Variants in DCTN4 observed in about 807,000 individuals in gnomAD.
DCTN4 encodes dynactin 4 (p62).
A neutral mutation model predicts 62.7 loss-of-function variants in DCTN4; 23 were observed. The ratio of observed to expected loss-of-function variants is 0.37; its 90% confidence interval spans 0.26 to 0.52. The LOEUF is 0.52. Among genes scored for constraint, DCTN4 ranks in the 20% least tolerant of loss-of-function variants. The pLI is 0.92. For synonymous variants in DCTN4, 199 were observed against 202.1 expected, an observed-to-expected ratio of 0.98 and a Z score of 0.13; for missense variants, 514 against 580.4, an observed-to-expected ratio of 0.89 and a Z score of 1.18.
intron 2 of DCTN4, chr5:150,755,618 A>G (rs1752833053): frequency 8.8e-6 from 4 of 455,948 alleles, no homozygotes; most frequent in South Asian, 6.2e-5. Flanking sequence ...CATTCTATAA[A>G]ATACCTCACC....
At chr5:150,744,457 T>A (rs11959285) in intron 3 of DCTN4, among the ~76,000 whole-genome samples, 6,214 of 151,886 alleles carry the variant, frequency 0.041, 446 homozygotes, top group African/African-American at 0.14. Context: ...AAGATACTCC[T>A]CAAGAAGAGC....
chr5:150,731,467 C>A lies in DCTN4; in HGVS notation c.560G>T (p.Arg187Met). 6.2e-7 allele frequency: 1 copy of A among 1,613,768 alleles called. No homozygotes were observed. Among genetic ancestry groups the A allele is most frequent in the Non-Finnish European group, 8.5e-7 (1 of 1,179,984 alleles). The part of the protein sequence containing the change: ...AFSDKYGLGT[R>M]LQRPRAGASI... Reference sequence around the variant, plus strand: ...TGCACCAGCTCGTGGTCGCTGAAGCCTGGTTCCAAGACCATATTTGTCCTA... The same window carrying A: ...TGCACCAGCTCGTGGTCGCTGAAGCATGGTTCCAAGACCATATTTGTCCTA... Residue 187 changes from arginine to methionine, a missense_variant, in exon 6 of 13, where the codon AGG (arginine) becomes ATG (methionine). By Grantham distance (91) the Arg-to-Met change is moderately conservative (BLOSUM62 -1). Coordinates refer to ENST00000447998, the MANE Select transcript of DCTN4 (RefSeq NM_016221.4).
At chr5:150,748,304 T>G (rs1752535096) in intron 3 of DCTN4, among the ~76,000 whole-genome samples, 1 of 150,736 alleles carries the variant, frequency 6.6e-6, no homozygotes, top group African/African-American at 2.4e-5. Context: ...CTGGAGAGGA[T>G]GTGGAGAAAT....
At chr5:150,741,701 T>C (rs575981597) in intron 4 of DCTN4, among the ~76,000 whole-genome samples, 3 of 149,716 alleles carry the variant, frequency 2.0e-5, no homozygotes, top group African/African-American at 2.5e-5. Context: ...AGGCTGGTCT[T>C]GAACTTCTGG....
rs1759733205 is a variant in DCTN4, at chr5:150,715,716, T to C, written c.1072-54A>G. The C allele has an allele frequency of 9.9e-6, 14 of 1,416,248 alleles. No individual in the cohort carries two copies. In the South Asian group the frequency reaches 1.0e-4, roughly 11 times the overall value. The allele number at this position is 1,416,248 out of a possible 1,614,324, so 87.7% of individuals were successfully genotyped here. A position where few individuals can be genotyped will look rare whatever the true frequency, so the allele number is the denominator to read the frequency against. On this transcript the variant is annotated intron_variant, in intron 11 of 12. Transcript: ENST00000447998. ...GAGAAGGGACCAGTGTGACAGAATA[T>C]AGCAAAGTACGACATTGATTTAGAC...
intron 1 of DCTN4, chr5:150,757,788 T>G (rs1752915716): frequency 6.6e-6 from 1 of 152,242 alleles, no homozygotes; most frequent in Admixed American, 6.5e-5. Context: ...TAAAATGGCT[T>G]ATAGTATGTG....
intron 11 of DCTN4, among the ~76,000 whole-genome samples, chr5:150,716,142 G>A (rs762629615): frequency 6.6e-5 from 10 of 152,162 alleles, no homozygotes; most frequent in Non-Finnish European, 1.3e-4. Context: ...CTGCCCTCAT[G>A]ATCCACTTGC....
At chr5:150,718,456 T>C (rs192653950) in intron 10 of DCTN4, 73 bp from the exon 11 acceptor site, 77 of 975,850 alleles carry the variant, frequency 7.9e-5, no homozygotes, top group East Asian at 6.5e-4. Context: ...TTCGCAAAAT[T>C]ACCATCCCCG....
At position 150,715,478 on chromosome 5, in the gene DCTN4, T is replaced by A. The variant is rs938875386; in HGVS notation, c.1169+87A>T. 2.9e-6 allele frequency: 3 copies of A among 1,035,250 alleles called. No homozygotes were observed. The African/African-American group carries it at 4.9e-5, about 17-fold the overall frequency. 64.1% of individuals were successfully genotyped at this position (1,035,250 alleles called of 1,614,324 possible). On this transcript the variant is annotated intron_variant, in intron 12 of 12. Coordinates refer to ENST00000447998, the MANE Select transcript of DCTN4 (RefSeq NM_016221.4). ...AGAAACAGGAAGAAAAAAGTTATTT[T>A]AAAAAATCCAGACAAGAAAACTGGA...
intron 10 of DCTN4, among the ~76,000 whole-genome samples, 177 bp from the exon 11 acceptor site, chr5:150,718,560 G>A (rs1759853925): frequency 6.6e-6 from 1 of 152,082 alleles, no homozygotes; most frequent in Non-Finnish European, 1.5e-5. Flanking sequence ...CTATATGTTA[G>A]ACCAAATACT....
intron 8 of DCTN4, among the ~76,000 whole-genome samples, chr5:150,727,950 A>T (rs1266810063): frequency 1.3e-5 from 2 of 152,106 alleles, no homozygotes; most frequent in African/African-American, 2.4e-5. Context: ...TTTGTTCTGA[A>T]AAAGGTATAA....
intron 4 of DCTN4, among the ~76,000 whole-genome samples, chr5:150,738,038 A>C (rs1325828682): frequency 6.6e-6 from 1 of 152,114 alleles, no homozygotes; most frequent in African/African-American, 2.4e-5. Context: ...AATTCCTGGA[A>C]ATATACAACC....
intron 7 of DCTN4, 151 bp downstream of exon 7, chr5:150,730,893 A>T: frequency 1.3e-6 from 1 of 794,216 alleles, no homozygotes. Context: ...GATTTCAAAC[A>T]ATTACCTCTA....
At chr5:150,730,438 A>T (rs1484712908) in intron 8 of DCTN4, among the ~76,000 whole-genome samples, 193 bp downstream of exon 8, 1 of 152,254 alleles carries the variant, frequency 6.6e-6, no homozygotes, top group Non-Finnish European at 1.5e-5. Flanking sequence ...TAACAGTAGT[A>T]CCTACCTCAC....
chr5:150,731,342 T>C (rs1370433450), intron 6 of DCTN4, 74 bp downstream of exon 6: 14 of 1,295,164 alleles, frequency 1.1e-5, no homozygotes, highest in Non-Finnish European at 1.6e-5. Flanking sequence ...TGTGTGTGTG[T>C]TTTAATCTCA....
intron 3 of DCTN4, among the ~76,000 whole-genome samples, chr5:150,753,050 A>G (rs1275216974): frequency 1.3e-5 from 2 of 152,054 alleles, no homozygotes; most frequent in African/African-American, 4.8e-5. Flanking sequence ...ATTTTTTAGT[A>G]GAGACGGGGT....
chr5:150,742,009 G>T, intron 4 of DCTN4, 105 bp downstream of exon 4: 2 of 940,482 alleles, frequency 2.1e-6, no homozygotes, highest in Non-Finnish European at 1.8e-6. Context: ...GACGTATTAT[G>T]GACTTATAAA....
At chr5:150,745,658 C>T (rs1760933864) in intron 3 of DCTN4, among the ~76,000 whole-genome samples, 3 of 152,176 alleles carry the variant, frequency 2.0e-5, no homozygotes, top group Non-Finnish European at 2.9e-5. Flanking sequence ...CGTTCAACTA[C>T]ATGGAAACTG....
In DCTN4 at chr5:150,731,095, C is replaced by G. The variant is rs1342261592; in HGVS notation, c.673G>C (p.Val225Leu). ...TAATAGTCTTCAGGTAGAGGTTCCACTTCATCCACAGCCTGAGCTGGCTCA... is the reference window on the plus strand; with the variant it reads ...TAATAGTCTTCAGGTAGAGGTTCCAGTTCATCCACAGCCTGAGCTGGCTCA... ...KIEPAQAVDE[V>L]EPLPEDYYTR... The change falls in exon 7 of 13, where the codon GTG (valine) becomes CTG (leucine). Residue 225 changes from valine to leucine, a missense_variant. Coordinates refer to ENST00000447998, the MANE Select transcript of DCTN4 (RefSeq NM_016221.4). 6.2e-7 allele frequency: 1 copy of G among 1,613,262 alleles called. No homozygotes were observed. The highest frequency in any genetic ancestry group is 1.3e-5 in the African/African-American group (1 of 75,032).
Sources: gnomAD v4.1 joint callset for allele counts (sites outside exome capture counted in the v4.1 genomes callset) on GRCh38, gnomAD v4.1.1 for gene constraint, MANE v1.5 for transcripts, NCBI Gene and HGNC (gene_info 2026-07-23, HGNC 2026-07-21) for gene names.